The following UBE2E2 variants were observed in gnomAD, a reference collection of about 807,000 sequenced individuals.
The protein encoded by UBE2E2 is ubiquitin-conjugating enzyme E2 E2.
A neutral mutation model predicts 24.7 loss-of-function variants in UBE2E2; 6 were observed. The ratio of observed to expected loss-of-function variants is 0.24; its 90% CI spans 0.13 to 0.48. The LOEUF is 0.48. Among genes scored for constraint, UBE2E2 ranks in the 20% least tolerant of loss-of-function variants. UBE2E2 has a pLI of 0.99. For missense variants in UBE2E2, 169 were observed against 245.0 expected (o/e 0.69, Z 2.07); for synonymous variants, 104 against 83.6 (o/e 1.24, Z -1.33).
At chr3:23,412,659 A>G (rs1312312755) in intron 3 of UBE2E2, among the ~76,000 whole-genome samples, 2 of 152,230 alleles carry the variant, frequency 1.3e-5, no homozygotes, top group East Asian at 3.8e-4. Flanking sequence ...TTAAGAGTTC[A>G]GAAACAACTC....
chr3:23,277,021 C>T (rs1250320627), intron 3 of UBE2E2, among the ~76,000 whole-genome samples: 6 of 152,196 alleles, frequency 3.9e-5, no homozygotes, highest in South Asian at 4.1e-4. Flanking sequence ...CAAAGGCTTT[C>T]GTGTACATGC....
In UBE2E2 at chr3:23,267,682, G is replaced by T. The variant is rs1698089176; in HGVS notation, c.227+50370G>T. Among the ~76,000 whole-genome samples, 4 of 151,860 alleles carry T rather than the reference G, an allele frequency of 2.6e-5. No homozygotes were observed. In the South Asian group the frequency reaches 8.3e-4, roughly 32 times the overall value. On this transcript the variant is annotated intron_variant, in intron 3 of 5. Coordinates refer to ENST00000396703, the MANE Select transcript of UBE2E2 (RefSeq NM_152653.4). The stretch of plus-strand genomic sequence containing the variant: ...ACTATTCCAATCAATAGAAAAAGAG[G>T]GAATCCTCCCTAACTCATTTTATAA...
intron 5 of UBE2E2, among the ~76,000 whole-genome samples, chr3:23,561,109 T>C (rs1695917545): frequency 6.6e-6 from 1 of 152,206 alleles, no homozygotes; most frequent in Non-Finnish European, 1.5e-5. Flanking sequence ...TTTGTTGCCA[T>C]TGCTTTTGGT....
At chr3:23,415,700 A>T (rs968629742) in intron 3 of UBE2E2, among the ~76,000 whole-genome samples, 1 of 152,190 alleles carries the variant, frequency 6.6e-6, no homozygotes, top group African/African-American at 2.4e-5. Context: ...TGTAGGTCAT[A>T]TCAGTAAATA....
At chr3:23,287,235 A>G (rs930383029) in intron 3 of UBE2E2, among the ~76,000 whole-genome samples, 3 of 152,130 alleles carry the variant, frequency 2.0e-5, no homozygotes, top group African/African-American at 7.2e-5. Context: ...ATTGATTTGC[A>G]TATATTGAAC....
intron 3 of UBE2E2, among the ~76,000 whole-genome samples, chr3:23,269,676 G>T (rs960988213): frequency 1.3e-5 from 2 of 152,196 alleles, no homozygotes; most frequent in East Asian, 1.9e-4. Context: ...AGATAGTTGA[G>T]TTGGAGCCGG....
At chr3:23,534,382 T>C (rs1399768617) in intron 5 of UBE2E2, 1 of 250,622 alleles carries the variant, frequency 4.0e-6, no homozygotes, top group Non-Finnish European at 6.3e-6. Flanking sequence ...TGCAAAAACT[T>C]AAAAATCACT....
At chr3:23,566,929 C>A (rs990973901) in intron 5 of UBE2E2, among the ~76,000 whole-genome samples, 7 of 152,150 alleles carry the variant, frequency 4.6e-5, no homozygotes, top group Non-Finnish European at 1.0e-4. Context: ...AATTAGAATC[C>A]TCAGGACTTA....
intron 3 of UBE2E2, among the ~76,000 whole-genome samples, chr3:23,294,531 G>A (rs1311895543): frequency 2.7e-5 from 4 of 149,282 alleles, no homozygotes; most frequent in East Asian, 2.0e-4. Flanking sequence ...TGTAGTAAGT[G>A]CAGCGTTTAG....
intron 3 of UBE2E2, among the ~76,000 whole-genome samples, chr3:23,260,732 G>T (rs758259138): frequency 3.3e-5 from 5 of 152,144 alleles, no homozygotes; most frequent in Non-Finnish European, 7.4e-5. Flanking sequence ...GGTCGAGGCT[G>T]TGGTAAGCTG....
chr3:23,221,333 T>C (rs1458687457), intron 3 of UBE2E2, among the ~76,000 whole-genome samples: 1 of 152,206 alleles, frequency 6.6e-6, no homozygotes, highest in Non-Finnish European at 1.5e-5. Flanking sequence ...TAAAATTCAC[T>C]TATACTTTTA....
chr3:23,215,456 C>T (rs950936511), intron 2 of UBE2E2, among the ~76,000 whole-genome samples: 1 of 152,106 alleles, frequency 6.6e-6, no homozygotes, highest in Non-Finnish European at 1.5e-5. Flanking sequence ...CCCCACCTCA[C>T]CCCCAATGTC....
chr3:23,425,788 T>G (rs148734562), intron 3 of UBE2E2, among the ~76,000 whole-genome samples: 1 of 152,170 alleles, frequency 6.6e-6, no homozygotes, highest in African/African-American at 2.4e-5. Flanking sequence ...ACCCCCACTT[T>G]CTTAGCCCTA....
At chr3:23,508,929 A>T (rs1185518188) in intron 4 of UBE2E2, among the ~76,000 whole-genome samples, 1 of 152,190 alleles carries the variant, frequency 6.6e-6, no homozygotes, top group Admixed American at 6.5e-5. Context: ...GGTTCAACTC[A>T]CTTACCAAAG....
chr3:23,586,953 A>G (rs1197563651), intron 5 of UBE2E2, among the ~76,000 whole-genome samples: 1 of 151,872 alleles, frequency 6.6e-6, no homozygotes. Context: ...GGAAGAAAAC[A>G]TACCACGATG....
chr3:23,255,090 T>A (rs1382375398), intron 3 of UBE2E2, among the ~76,000 whole-genome samples: 1 of 98,336 alleles, frequency 1.0e-5, no homozygotes, highest in Non-Finnish European at 2.4e-5. Flanking sequence ...TTTTTTTTTT[T>A]TTTTTTTTTT....
chr3:23,296,805 A>G (rs1193414161), intron 3 of UBE2E2, among the ~76,000 whole-genome samples: 2 of 152,128 alleles, frequency 1.3e-5, no homozygotes, highest in Non-Finnish European at 2.9e-5. Context: ...ATGATTTATA[A>G]TCCTTTGGGT....
intron 4 of UBE2E2, among the ~76,000 whole-genome samples, chr3:23,507,043 C>A (rs1694475562): frequency 6.6e-6 from 1 of 152,214 alleles, no homozygotes. Flanking sequence ...ACCACCCCGT[C>A]CACAGAACAG....
At chr3:23,357,711 A>T (rs1339096963) in intron 3 of UBE2E2, among the ~76,000 whole-genome samples, 1 of 152,186 alleles carries the variant, frequency 6.6e-6, no homozygotes, top group African/African-American at 2.4e-5. Flanking sequence ...CAGAAAGCTT[A>T]GATGTATCTC....
Sources: allele counts gnomAD v4.1 joint callset (sites outside exome capture counted in the v4.1 genomes callset), GRCh38; gene constraint gnomAD v4.1.1; transcripts MANE v1.5; gene names NCBI Gene and HGNC (gene_info 2026-07-23, HGNC 2026-07-21).